Variants in CAMTA1 observed in about 807,000 individuals in gnomAD.
CAMTA1 encodes calmodulin-binding transcription activator 1.
A neutral mutation model predicts 170.9 loss-of-function variants in CAMTA1; 27 were observed. The observed-to-expected ratio is 0.16, with a 90% CI of 0.12 to 0.22. The LOEUF (loss-of-function observed/expected upper bound fraction) is 0.22. CAMTA1 is among the 10% of genes least tolerant of loss of function. The pLI is 1.00. For missense variants in CAMTA1, 1,619 were observed against 2,217.2 expected, an observed-to-expected ratio of 0.73 and a Z score of 5.42; for synonymous variants, 833 against 891.5, an observed-to-expected ratio of 0.93 and a Z score of 1.17.
chr1:7,632,041 G>A (rs1377016231), intron 6 of CAMTA1, among the ~76,000 whole-genome samples: 1 of 152,124 alleles, frequency 6.6e-6, no homozygotes, highest in Non-Finnish European at 1.5e-5. Flanking sequence ...GCCCAGTGCC[G>A]CCCTCTATCC....
chr1:7,103,487 G>A lies in CAMTA1; in HGVS notation c.302+12116G>A, dbSNP rs185509316. On this transcript the variant is annotated intron_variant, in intron 4 of 22. Transcript: ENST00000303635. Reference sequence around the variant, plus strand: ...CATGTACACAACACACACTACACACGTACACACAACACAGATACACACTAC... The same window carrying A: ...CATGTACACAACACACACTACACACATACACACAACACAGATACACACTAC... Among the ~76,000 whole-genome samples, 62 of 122,086 alleles carry A rather than the reference G, an allele frequency of 5.1e-4. 1 individual carries two copies. The highest frequency in any genetic ancestry group is 2.1e-3 in the South Asian group (8 of 3,732). 80.1% of individuals were successfully genotyped at this position (122,086 alleles called of 152,430 possible). A position where few individuals can be genotyped will look rare whatever the true frequency, so the allele number is the denominator to read the frequency against.
intron 3 of CAMTA1, among the ~76,000 whole-genome samples, chr1:7,002,370 G>C (rs1698351063): frequency 1.3e-5 from 2 of 152,178 alleles, no homozygotes; most frequent in South Asian, 4.1e-4. Flanking sequence ...AAACAGCGCA[G>C]TGGGAAAGTG....
chr1:6,892,813 T>C (rs1465192334), intron 3 of CAMTA1, among the ~76,000 whole-genome samples: 1 of 152,128 alleles, frequency 6.6e-6, no homozygotes, highest in Non-Finnish European at 1.5e-5. Context: ...TAGTGGCAGC[T>C]AGTTCTAGAC....
At chr1:7,582,764 C>A (rs2095272246) in intron 6 of CAMTA1, among the ~76,000 whole-genome samples, 1 of 152,066 alleles carries the variant, frequency 6.6e-6, no homozygotes, top group Admixed American at 6.5e-5. Flanking sequence ...AGCAGAGTCA[C>A]ATGGCTAGCT....
intron 3 of CAMTA1, among the ~76,000 whole-genome samples, chr1:7,030,218 A>AT (rs566380201): frequency 3.3e-5 from 5 of 151,488 alleles, no homozygotes; most frequent in African/African-American, 9.8e-5. Context: ...AAAATAGTAT[A>AT]TTTTTTTGTA....
chr1:7,416,446 AC>A (rs1299735003), intron 5 of CAMTA1, among the ~76,000 whole-genome samples: 1 of 151,980 alleles, frequency 6.6e-6, no homozygotes, highest in African/African-American at 2.4e-5. Flanking sequence ...TTTCTTGGAG[AC>A]TTTTTTCGTT....
At chr1:7,430,520 G>T (rs2092109329) in intron 5 of CAMTA1, among the ~76,000 whole-genome samples, 1 of 151,794 alleles carries the variant, frequency 6.6e-6, no homozygotes, top group South Asian at 2.1e-4. Flanking sequence ...TGATGGTGGT[G>T]AACCTGCTGC....
At chr1:7,080,156 A>G (rs1484999859) in intron 3 of CAMTA1, among the ~76,000 whole-genome samples, 2 of 152,236 alleles carry the variant, frequency 1.3e-5, no homozygotes, top group Non-Finnish European at 2.9e-5. Flanking sequence ...AGTAATACCT[A>G]TAGATTCATG....
intron 4 of CAMTA1, among the ~76,000 whole-genome samples, chr1:7,218,299 G>A (rs1220148265): frequency 2.6e-5 from 4 of 152,154 alleles, no homozygotes; most frequent in African/African-American, 7.2e-5. Context: ...CCACCTTATG[G>A]TTGGGATTTT....
intron 3 of CAMTA1, among the ~76,000 whole-genome samples, chr1:7,087,620 G>A (rs1406427941): frequency 1.3e-5 from 2 of 152,314 alleles, no homozygotes; most frequent in Non-Finnish European, 2.9e-5. Flanking sequence ...ATGGGTTTGG[G>A]TTCTGGTTCT....
At chr1:7,449,010 C>T (rs1481492583) in intron 5 of CAMTA1, among the ~76,000 whole-genome samples, 2 of 152,226 alleles carry the variant, frequency 1.3e-5, no homozygotes, top group African/African-American at 4.8e-5. Context: ...AATAACCTGT[C>T]GTGAACATTG....
At chr1:6,964,805 G>A (rs562495887) in intron 3 of CAMTA1, among the ~76,000 whole-genome samples, 18 of 152,316 alleles carry the variant, frequency 1.2e-4, no homozygotes, top group African/African-American at 4.3e-4. Flanking sequence ...GTGAGATGCC[G>A]CCAGGGATTC....
At chr1:7,449,397 A>G (rs1029863860) in intron 5 of CAMTA1, among the ~76,000 whole-genome samples, 1 of 152,162 alleles carries the variant, frequency 6.6e-6, no homozygotes, top group Non-Finnish European at 1.5e-5. Context: ...GTAGGCAAGG[A>G]TGCTGGCAGC....
At chr1:6,858,408 C>G (rs576402828) in intron 3 of CAMTA1, among the ~76,000 whole-genome samples, 38 of 146,818 alleles carry the variant, frequency 2.6e-4, no homozygotes, top group Admixed American at 6.2e-4. Flanking sequence ...TCTGTTACAA[C>G]CTGTCTTTTC....
intron 7 of CAMTA1, 72 bp from the exon 8 acceptor site, chr1:7,661,654 T>A: frequency 6.4e-7 from 1 of 1,559,550 alleles, no homozygotes; most frequent in South Asian, 1.1e-5. Flanking sequence ...GCCTGGGTCC[T>A]ACCCCTTGGC....
intron 3 of CAMTA1, among the ~76,000 whole-genome samples, chr1:6,973,778 TC>T (rs569994766): frequency 5.3e-5 from 8 of 152,174 alleles, no homozygotes; most frequent in Non-Finnish European, 1.2e-4. Context: ...GCATTCTTGG[TC>T]CCATGGCTGT....
chr1:7,504,349 G>A lies in CAMTA1; in HGVS notation c.510+36448G>A, dbSNP rs531396104. Among the ~76,000 whole-genome samples, 13 of 152,362 alleles carry A rather than the reference G, an allele frequency of 8.5e-5. No individual in the cohort carries two copies. The East Asian group carries it at 1.5e-3, about 18-fold the overall frequency. On this transcript the variant is annotated intron_variant, in intron 6 of 22. Coordinates refer to ENST00000303635, the MANE Select transcript of CAMTA1 (RefSeq NM_015215.4). ...CTCCTGGTACCCAGGCTTGGAGAAT[G>A]TGTCCAGCTGTCCTGCCCCCTTGCT...
chr1:7,730,813 C>T lies in CAMTA1; in HGVS notation c.2915-1635C>T, dbSNP rs1182850145. ...ACTTGGGTGGCTGAGCCAAGATAAT[C>T]GCTTAAACTCAGGAGGCGGAGGTTG... On this transcript the variant is annotated intron_variant, in intron 11 of 22. Coordinates refer to ENST00000303635, the MANE Select transcript of CAMTA1 (RefSeq NM_015215.4). 6.6e-5 allele frequency among the ~76,000 whole-genome samples: 10 copies of T among 152,020 alleles called. No homozygotes were observed. The South Asian group carries it at 8.3e-4, about 13-fold the overall frequency.
intron 6 of CAMTA1, among the ~76,000 whole-genome samples, chr1:7,478,570 T>C (rs769124902): frequency 6.6e-6 from 1 of 152,212 alleles, no homozygotes; most frequent in Non-Finnish European, 1.5e-5. Context: ...TATTAATTAG[T>C]CTTATTATCC....
Sources: gnomAD v4.1 joint callset for allele counts (sites outside exome capture counted in the v4.1 genomes callset) on GRCh38, gnomAD v4.1.1 for gene constraint, MANE v1.5 for transcripts, NCBI Gene and HGNC (gene_info 2026-07-23, HGNC 2026-07-21) for gene names.